Variants in TAB2 observed in about 807,000 individuals in gnomAD.
TAB2 encodes TGF-beta-activated kinase 1 and MAP3K7-binding protein 2.
In TAB2, 3 loss-of-function variants were observed where a neutral mutation model predicts 65.0. That is an observed-to-expected ratio of 0.05 (90% confidence interval 0.02 to 0.12). TAB2 has a LOEUF of 0.12. Ranked by LOEUF, TAB2 falls within the 10% of genes least tolerant of loss-of-function variation. The pLI, the probability that TAB2 is intolerant of heterozygous loss-of-function variation, is 1.00. For missense variants in TAB2, 623 were observed against 840.3 expected (o/e 0.74, Z 3.20); for synonymous variants, 298 against 285.1 (o/e 1.05, Z -0.46).
chr6:149,259,924 T>C (rs1202013570), intron 1 of TAB2, among the ~76,000 whole-genome samples: 1 of 152,186 alleles, frequency 6.6e-6, no homozygotes, highest in Non-Finnish European at 1.5e-5. Context: ...CTTCATTCTA[T>C]AGTCAAGAGT....
chr6:149,269,798 T>G (rs1364891936), intron 1 of TAB2, among the ~76,000 whole-genome samples: 1 of 152,260 alleles, frequency 6.6e-6, no homozygotes, highest in African/African-American at 2.4e-5. Context: ...TGCTAAGTAG[T>G]ATTCAACTAC....
chr6:149,249,598 T>A (rs987494291), intron 1 of TAB2, among the ~76,000 whole-genome samples: 19 of 151,750 alleles, frequency 1.3e-4, no homozygotes, highest in Non-Finnish European at 2.7e-4. Context: ...CCCTCTCTCT[T>A]TCTGTCTCTC....
intron 6 of TAB2, among the ~76,000 whole-genome samples, chr6:149,402,802 G>A (rs749534034): frequency 2.0e-5 from 3 of 152,044 alleles, no homozygotes; most frequent in Non-Finnish European, 2.9e-5. Context: ...TTTATCTCTG[G>A]GACTTAAGGA....
chr6:149,284,950 G>A (rs1453662632), intron 1 of TAB2, among the ~76,000 whole-genome samples: 4 of 152,106 alleles, frequency 2.6e-5, no homozygotes, highest in African/African-American at 7.2e-5. Context: ...CAGCAGCCTC[G>A]AGGATGACAA....
chr6:149,245,802 A>G (rs1326756845), intron 1 of TAB2, among the ~76,000 whole-genome samples: 3 of 152,206 alleles, frequency 2.0e-5, no homozygotes, highest in Non-Finnish European at 2.9e-5. Flanking sequence ...TCACTTTTGT[A>G]CCATTCCCCT....
chr6:149,303,470 G>A (rs1779004325), intron 1 of TAB2, among the ~76,000 whole-genome samples: 2 of 152,066 alleles, frequency 1.3e-5, no homozygotes, highest in Admixed American at 1.3e-4. Context: ...TTGGAAAAAT[G>A]TATGTGTGTG....
At chr6:149,406,274 G>T (rs1157226909) in intron 6 of TAB2, among the ~76,000 whole-genome samples, 1 of 152,156 alleles carries the variant, frequency 6.6e-6, no homozygotes, top group East Asian at 1.9e-4. Context: ...GAAACATTAA[G>T]GTTTGTAGGA....
chr6:149,295,042 C>T (rs1357838423), intron 1 of TAB2, among the ~76,000 whole-genome samples: 1 of 152,216 alleles, frequency 6.6e-6, no homozygotes, highest in Non-Finnish European at 1.5e-5. Flanking sequence ...TTTTATGTCT[C>T]CTTCTCACCT....
intron 1 of TAB2, among the ~76,000 whole-genome samples, chr6:149,306,662 G>A (rs1252961119): frequency 6.6e-6 from 1 of 152,102 alleles, no homozygotes; most frequent in African/African-American, 2.4e-5. Context: ...TGAGGCAGGA[G>A]AATCGCTTGA....
At chr6:149,324,736 G>T (rs1483801514) in intron 1 of TAB2, among the ~76,000 whole-genome samples, 1 of 151,946 alleles carries the variant, frequency 6.6e-6, no homozygotes, top group East Asian at 1.9e-4. Flanking sequence ...TGTTTAGTCA[G>T]AGAAATCAAC....
chr6:149,230,361 G>T (rs1200166831), intron 1 of TAB2, among the ~76,000 whole-genome samples: 1 of 152,106 alleles, frequency 6.6e-6, no homozygotes, highest in African/African-American at 2.4e-5. Context: ...TAGAAGTATT[G>T]GCCTGTGGAC....
chr6:149,369,217 G>A (rs532452959), intron 1 of TAB2, among the ~76,000 whole-genome samples: 2 of 152,160 alleles, frequency 1.3e-5, no homozygotes, highest in Admixed American at 1.3e-4. Flanking sequence ...GAAACAATAG[G>A]AATAAAAATA....
At chr6:149,384,445 C>T (rs1055594000) in intron 3 of TAB2, among the ~76,000 whole-genome samples, 4 of 152,236 alleles carry the variant, frequency 2.6e-5, no homozygotes, top group African/African-American at 9.6e-5. Flanking sequence ...GTCAGCACCA[C>T]CATCCTTCCT....
intron 1 of TAB2, among the ~76,000 whole-genome samples, chr6:149,239,535 G>T (rs1217906392): frequency 6.6e-6 from 1 of 152,224 alleles, no homozygotes; most frequent in Non-Finnish European, 1.5e-5. Context: ...ATATGTAAAT[G>T]TTTTGACATG....
chr6:149,226,814 G>A (rs1777289075), intron 1 of TAB2, among the ~76,000 whole-genome samples: 1 of 152,196 alleles, frequency 6.6e-6, no homozygotes, highest in Non-Finnish European at 1.5e-5. Context: ...CCATTGCTTA[G>A]AAAAGCAACA....
At chr6:149,353,847 A>G (rs1041324283) in intron 1 of TAB2, among the ~76,000 whole-genome samples, 1 of 152,160 alleles carries the variant, frequency 6.6e-6, no homozygotes, top group African/African-American at 2.4e-5. Context: ...TTATTTCTCT[A>G]TATATAGAGA....
Position 149,410,982 on chromosome 6 carries a change from C to G in TAB2, c.*1263C>G, listed in dbSNP as rs997218063. The G allele has an allele frequency of 6.6e-5, 10 of 152,254 alleles. No individual in the cohort carries two copies. The highest frequency in any genetic ancestry group is 2.2e-4 in the African/African-American group (9 of 41,304). The allele number at this position is 152,254 out of a possible 1,614,324, so 9.4% of individuals were successfully genotyped here. A position where few individuals can be genotyped will look rare whatever the true frequency, so the allele number is the denominator to read the frequency against. On this transcript the variant is annotated 3_prime_UTR_variant, in exon 7 of 7. Coordinates refer to ENST00000637181, the MANE Select transcript of TAB2 (RefSeq NM_001292034.3). ...TATCATGTGTATTTATAAAACAAGGCTAGCCATATTTAGGACAACTGAAGA... is the reference window on the plus strand; with the variant it reads ...TATCATGTGTATTTATAAAACAAGGGTAGCCATATTTAGGACAACTGAAGA...
intron 1 of TAB2, among the ~76,000 whole-genome samples, chr6:149,251,621 A>G (rs1307419604): frequency 6.6e-6 from 1 of 152,174 alleles, no homozygotes; most frequent in Non-Finnish European, 1.5e-5. Flanking sequence ...TTCTGCCAAC[A>G]GCTTCAGTGC....
intron 1 of TAB2, among the ~76,000 whole-genome samples, chr6:149,252,877 A>C (rs1777889269): frequency 6.6e-6 from 1 of 152,304 alleles, no homozygotes; most frequent in East Asian, 1.9e-4. Flanking sequence ...TTCCACTCTT[A>C]CCATGAGAAG....
Sources: gnomAD v4.1 joint callset for allele counts (sites outside exome capture counted in the v4.1 genomes callset) on GRCh38, gnomAD v4.1.1 for gene constraint, MANE v1.5 for transcripts, NCBI Gene and HGNC (gene_info 2026-07-23, HGNC 2026-07-21) for gene names.